The following GNAO1 variants were observed in gnomAD, a reference collection of about 807,000 sequenced individuals.
GNAO1 encodes guanine nucleotide-binding protein G(o) subunit alpha.
For synonymous variants in GNAO1, 164 were observed against 180.7 expected (o/e 0.91, Z 0.74); for missense variants, 166 against 478.7 (o/e 0.35, Z 6.10).
intron 2 of GNAO1, among the ~76,000 whole-genome samples, chr16:56,206,612 A>G (rs1054434756): frequency 2.0e-5 from 3 of 152,224 alleles, no homozygotes; most frequent in Non-Finnish European, 4.4e-5. Flanking sequence ...GGTGATGGTT[A>G]CACTACTGTG....
chr16:56,221,841 A>G (rs1377696620), intron 2 of GNAO1, among the ~76,000 whole-genome samples: 1 of 152,030 alleles, frequency 6.6e-6, no homozygotes, highest in Non-Finnish European at 1.5e-5. Flanking sequence ...ACACATGTCA[A>G]TGTCCTGTGG....
At chr16:56,240,290 G>T (rs930306588) in intron 2 of GNAO1, among the ~76,000 whole-genome samples, 6 of 152,114 alleles carry the variant, frequency 3.9e-5, no homozygotes, top group Non-Finnish European at 7.4e-5. Flanking sequence ...GTGCTTGTCT[G>T]TATGGTCATG....
At chr16:56,242,846 C>G (rs566533567) in intron 2 of GNAO1, among the ~76,000 whole-genome samples, 1 of 152,218 alleles carries the variant, frequency 6.6e-6, no homozygotes, top group Admixed American at 6.5e-5. Context: ...GGTCCCCAAC[C>G]CCTGGGCCAC....
intron 2 of GNAO1, among the ~76,000 whole-genome samples, chr16:56,221,558 G>A (rs186650076): frequency 0.012 from 1,765 of 151,274 alleles, 34 homozygotes; most frequent in African/African-American, 0.04. Flanking sequence ...GCTGAGGCAG[G>A]AGAATCGCTT....
intron 6 of GNAO1, among the ~76,000 whole-genome samples, chr16:56,343,533 T>G (rs2037827290): frequency 6.6e-6 from 1 of 150,892 alleles, no homozygotes; most frequent in African/African-American, 2.4e-5. Flanking sequence ...CTGGGAGACC[T>G]GATATTTTGT....
intron 3 of GNAO1, among the ~76,000 whole-genome samples, chr16:56,317,398 TAA>T (rs552160407): frequency 6.6e-6 from 1 of 152,170 alleles, no homozygotes; most frequent in African/African-American, 2.4e-5. Flanking sequence ...TGTCAAATGT[TAA>T]AGTCCTTAAG....
At chr16:56,335,946 G>A (rs1432871378) in intron 5 of GNAO1, among the ~76,000 whole-genome samples, 1 of 152,216 alleles carries the variant, frequency 6.6e-6, no homozygotes, top group Non-Finnish European at 1.5e-5. Flanking sequence ...TCACTCCGTT[G>A]TGTCCGGTGG....
chr16:56,269,717 A>T (rs2036996270), intron 2 of GNAO1, among the ~76,000 whole-genome samples: 1 of 152,174 alleles, frequency 6.6e-6, no homozygotes, highest in Non-Finnish European at 1.5e-5. Context: ...GACGAGGGGC[A>T]TTTAATCTAG....
intron 2 of GNAO1, among the ~76,000 whole-genome samples, chr16:56,272,678 G>T: frequency 6.6e-6 from 1 of 152,184 alleles, no homozygotes; most frequent in East Asian, 1.9e-4. Flanking sequence ...AGATATTGGG[G>T]CAATTACTTA....
intron 3 of GNAO1, among the ~76,000 whole-genome samples, chr16:56,296,429 T>C (rs1596848667): frequency 6.6e-6 from 1 of 151,854 alleles, no homozygotes; most frequent in African/African-American, 2.4e-5. Flanking sequence ...CCATGTGGAG[T>C]TGAGTTATAG....
intron 3 of GNAO1, among the ~76,000 whole-genome samples, chr16:56,321,660 G>A (rs1343933181): frequency 6.6e-6 from 1 of 152,098 alleles, no homozygotes; most frequent in Non-Finnish European, 1.5e-5. Context: ...CTGGGAACTG[G>A]GGCTCTGCTG....
Position 56,345,671 on chromosome 16 carries a change from C to T in GNAO1, c.724-5713C>T, listed in dbSNP as rs941826556. On this transcript the variant is annotated intron_variant, in intron 6 of 8. Coordinates refer to ENST00000262493, the MANE Select transcript of GNAO1 (RefSeq NM_020988.3). The stretch of plus-strand genomic sequence containing the variant: ...TTGGACCTTGCACCAGGTGCTGGGA[C>T]GTGGCAGAGGACAGGCCCTGGGAAC... 2.2e-5 allele frequency: 22 copies of T among 985,536 alleles called. No homozygotes were observed. In the Admixed American group the frequency reaches 7.4e-4, roughly 33 times the overall value. 61.0% of individuals were successfully genotyped at this position (985,536 alleles called of 1,614,324 possible).
chr16:56,211,429 A>T (rs537753612), intron 2 of GNAO1, among the ~76,000 whole-genome samples: 1 of 152,086 alleles, frequency 6.6e-6, no homozygotes, highest in African/African-American at 2.4e-5. Flanking sequence ...ACCTCCAGCT[A>T]TGCCGTCCTC....
At chr16:56,244,976 G>A (rs1305755759) in intron 2 of GNAO1, among the ~76,000 whole-genome samples, 5 of 152,058 alleles carry the variant, frequency 3.3e-5, no homozygotes, top group South Asian at 2.1e-4. Context: ...ATGGCCCCTC[G>A]GGTCTATCCA....
rs2037461587 is a variant in GNAO1, at chr16:56,311,775, C to T, written c.304-16856C>T. ...CTGGGCTGTCCACCTCCTGCCCCGCCCAGCACGGCCCGCTGGGACCTCCTT... is the reference window on the plus strand; with the variant it reads ...CTGGGCTGTCCACCTCCTGCCCCGCTCAGCACGGCCCGCTGGGACCTCCTT... On this transcript the variant is annotated intron_variant, in intron 3 of 8. Transcript: ENST00000262493. This position sits in a 1 kb window ranked among gnomAD's most constrained non-coding sequence, Gnocchi z 5.2. Among the ~76,000 whole-genome samples, 1 of 152,074 alleles carries T rather than the reference C, an allele frequency of 6.6e-6. No homozygotes were observed. Among genetic ancestry groups the T allele is most frequent in the African/African-American group, 2.4e-5 (1 of 41,410 alleles).
intron 2 of GNAO1, among the ~76,000 whole-genome samples, chr16:56,260,643 C>T (rs2036894884): frequency 6.6e-6 from 1 of 152,172 alleles, no homozygotes; most frequent in Non-Finnish European, 1.5e-5. Flanking sequence ...CACTGCCCCA[C>T]CCAAACATCC....
Position 56,344,639 on chromosome 16 carries a change from G to C in GNAO1, c.724-6745G>C, listed in dbSNP as rs771924040. On this transcript the variant is annotated intron_variant, in intron 6 of 8. Transcript: ENST00000262493. ...ATTTATGGCTCAGATAGATGGTGGC[G>C]TGGAGCGGGGGGAGGGAGAGATGGG... 5.1e-6 allele frequency: 5 copies of C among 985,554 alleles called. No individual in the cohort carries two copies. The African/African-American group carries it at 7.0e-5, about 14-fold the overall frequency. The allele number at this position is 985,554 out of a possible 1,614,324, so 61.1% of individuals were successfully genotyped here.
chr16:56,237,821 A>G (rs1567449967), intron 2 of GNAO1, among the ~76,000 whole-genome samples: 1 of 152,172 alleles, frequency 6.6e-6, no homozygotes, highest in Non-Finnish European at 1.5e-5. Context: ...TGAAAATGTG[A>G]ATTCTTTTTT....
chr16:56,258,642 C>G (rs1413187732), intron 2 of GNAO1, among the ~76,000 whole-genome samples: 1 of 152,240 alleles, frequency 6.6e-6, no homozygotes, highest in African/African-American at 2.4e-5. Context: ...AGCAGCTTCC[C>G]TGTGGGGTGG....
Sources: allele counts gnomAD v4.1 joint callset (sites outside exome capture counted in the v4.1 genomes callset), GRCh38; gene constraint gnomAD v4.1.1; non-coding constraint Gnocchi (gnomAD v3.1); transcripts MANE v1.5; gene names NCBI Gene and HGNC (gene_info 2026-07-23, HGNC 2026-07-21).